Variants in LATS2 observed in about 807,000 individuals in gnomAD.
The protein encoded by LATS2 is serine/threonine-protein kinase LATS2.
In LATS2, 24 loss-of-function variants were observed where a neutral mutation model predicts 76.0. The ratio of observed to expected loss-of-function variants is 0.32; its 90% CI spans 0.23 to 0.44. The LOEUF (loss-of-function observed/expected upper bound fraction) is 0.44. LATS2 is among the 20% of genes least tolerant of loss of function. The pLI, the probability that LATS2 is intolerant of heterozygous loss-of-function variation, is 1.00. For synonymous variants in LATS2, 692 were observed against 635.4 expected (o/e 1.09, Z -1.34); for missense variants, 1,286 against 1,481.2 (o/e 0.87, Z 2.16).
At chr13:21,018,653 G>C (rs1431946591) in intron 2 of LATS2, among the ~76,000 whole-genome samples, 1 of 151,870 alleles carries the variant, frequency 6.6e-6, no homozygotes, top group East Asian at 1.9e-4. Context: ...TCTTTTCTCA[G>C]AGTCCCTCTT....
At chr13:21,003,467 G>C (rs973163637) in intron 2 of LATS2, among the ~76,000 whole-genome samples, 1 of 149,254 alleles carries the variant, frequency 6.7e-6, no homozygotes, top group African/African-American at 2.5e-5. Context: ...TAAAGACAGA[G>C]TCTTGCTCTG....
intron 1 of LATS2, among the ~76,000 whole-genome samples, chr13:21,047,443 G>C (rs1057016470): frequency 1.3e-5 from 2 of 152,200 alleles, no homozygotes; most frequent in African/African-American, 4.8e-5. Flanking sequence ...CCGCTGGTGG[G>C]AAAGGCAGGG....
chr13:21,025,215 ACT>A (rs1280386334), intron 2 of LATS2, among the ~76,000 whole-genome samples: 1 of 64,874 alleles, frequency 1.5e-5, no homozygotes, highest in Non-Finnish European at 3.5e-5. Flanking sequence ...CCCCGTCTCT[ACT>A]AAAAAAAAAA....
At chr13:20,989,788 C>T (rs1870428986) in intron 3 of LATS2, among the ~76,000 whole-genome samples, 1 of 152,226 alleles carries the variant, frequency 6.6e-6, no homozygotes, top group Non-Finnish European at 1.5e-5. Context: ...ACTTCTCTTT[C>T]ACCTCTTTTC....
chr13:20,995,448 G>A lies in LATS2; in HGVS notation c.343-4044C>T, dbSNP rs115590481. On this transcript the variant is annotated intron_variant, in intron 2 of 7. Transcript: ENST00000382592. ...TGAGCAGCCCTGCCCCAAAGCAAGA[G>A]TTCAGCTGCAAGCCAACTGAAGGCG... Among the ~76,000 whole-genome samples, 182 of 152,360 alleles carry A rather than the reference G, an allele frequency of 1.2e-3. 2 individuals carry two copies. The highest frequency in any genetic ancestry group is 3.8e-3 in the African/African-American group (156 of 41,598).
At chr13:21,033,870 C>A (rs770800340) in intron 2 of LATS2, among the ~76,000 whole-genome samples, 1 of 151,800 alleles carries the variant, frequency 6.6e-6, no homozygotes, top group Non-Finnish European at 1.5e-5. Context: ...ATTAATAATT[C>A]TTCTAATGTC....
chr13:21,053,573 A>G (rs1005544457), intron 1 of LATS2, among the ~76,000 whole-genome samples: 4 of 152,212 alleles, frequency 2.6e-5, no homozygotes, highest in Non-Finnish European at 4.4e-5. Flanking sequence ...CACTGAGGAC[A>G]AAGCCTGCCA....
At position 20,991,179 on chromosome 13, in the gene LATS2, C is replaced by T. The variant is rs1348181761; in HGVS notation, c.475+93G>A. On this transcript the variant is annotated intron_variant, in intron 3 of 7. Coordinates refer to ENST00000382592, the MANE Select transcript of LATS2 (RefSeq NM_014572.3). This position sits in a 1 kb window ranked among gnomAD's most constrained non-coding sequence, Gnocchi z 4.9. The stretch of plus-strand genomic sequence containing the variant: ...AATGTGCCAGGAGACTGGCTCTGGC[C>T]AGGCCAGGCCAGGTTGGACCCCTCT... 2.0e-6 allele frequency: 3 copies of T among 1,480,534 alleles called. No individual in the cohort carries two copies. The highest frequency in any genetic ancestry group is 2.8e-6 in the Non-Finnish European group (3 of 1,077,156). The allele number at this position is 1,480,534 out of a possible 1,614,324, so 91.7% of individuals were successfully genotyped here. A position where few individuals can be genotyped will look rare whatever the true frequency, so the allele number is the denominator to read the frequency against.
chr13:20,987,816 G>C, intron 4 of LATS2, 65 bp downstream of exon 4: 1 of 1,544,880 alleles, frequency 6.5e-7, no homozygotes, highest in Non-Finnish European at 8.8e-7. Flanking sequence ...GGGATTGTGC[G>C]TGCTTCCTAT....
chr13:21,040,255 T>C (rs977248588), intron 2 of LATS2, among the ~76,000 whole-genome samples: 6 of 151,604 alleles, frequency 4.0e-5, no homozygotes, highest in Non-Finnish European at 7.4e-5. Context: ...GACATGGTGA[T>C]GTGCGCCTGT....
intron 2 of LATS2, among the ~76,000 whole-genome samples, chr13:21,034,694 T>TTAG (rs1356842998): frequency 3.9e-5 from 6 of 152,044 alleles, no homozygotes; most frequent in Admixed American, 6.6e-5. Flanking sequence ...GTAGCTTGAT[T>TTAG]TAGTGCTTGT....
At chr13:21,011,398 C>A (rs1215989277) in intron 2 of LATS2, among the ~76,000 whole-genome samples, 11 of 152,204 alleles carry the variant, frequency 7.2e-5, no homozygotes, top group Admixed American at 5.2e-4. Flanking sequence ...ACATATATTT[C>A]TCATGCTAGG....
chr13:21,016,642 C>A (rs1209248557), intron 2 of LATS2, among the ~76,000 whole-genome samples: 1 of 152,178 alleles, frequency 6.6e-6, no homozygotes, highest in African/African-American at 2.4e-5. Flanking sequence ...ATTTCTTACA[C>A]TTCACCCCAG....
chr13:21,059,844 A>T (rs1873569418), intron 1 of LATS2, among the ~76,000 whole-genome samples: 2 of 150,930 alleles, frequency 1.3e-5, no homozygotes, highest in Non-Finnish European at 2.9e-5. Flanking sequence ...GCGGGCCTGT[A>T]ATCCCAGCTA....
intron 1 of LATS2, among the ~76,000 whole-genome samples, chr13:21,057,011 A>G (rs114882483): frequency 0.012 from 1,876 of 152,280 alleles, 31 homozygotes; most frequent in African/African-American, 0.043. Context: ...GAGAAAAATG[A>G]GTGAGACTCC....
chr13:21,007,571 A>G lies in LATS2; in HGVS notation c.343-16167T>C, dbSNP rs570062406. ...TATATATATATATATATATATATAT[A>G]TATATATATATATATAGTATATATA... On this transcript the variant is annotated intron_variant, in intron 2 of 7. Transcript: ENST00000382592. Among the ~76,000 whole-genome samples, 15 of 18,498 alleles carry G rather than the reference A, an allele frequency of 8.1e-4. 5 individuals are homozygous for G. Among genetic ancestry groups the G allele is most frequent in the African/African-American group, 5.2e-3 (8 of 1,550 alleles). The allele number at this position is 18,498 out of a possible 152,430, so 12.1% of individuals were successfully genotyped here. A position where few individuals can be genotyped will look rare whatever the true frequency, so the allele number is the denominator to read the frequency against.
At chr13:21,057,576 G>A (rs1048642260) in intron 1 of LATS2, among the ~76,000 whole-genome samples, 1 of 152,048 alleles carries the variant, frequency 6.6e-6, no homozygotes, top group East Asian at 1.9e-4. Context: ...GGTGGATCAC[G>A]AGGTCAGGAG....
intron 2 of LATS2, among the ~76,000 whole-genome samples, chr13:21,041,004 GCT>G (rs532716131): frequency 1.0e-3 from 156 of 150,884 alleles, no homozygotes; most frequent in African/African-American, 3.7e-3. Context: ...GCAGAGTCTC[GCT>G]CTGTCGCCCA....
intron 2 of LATS2, among the ~76,000 whole-genome samples, chr13:20,995,343 C>T (rs1222025698): frequency 6.6e-6 from 1 of 152,176 alleles, no homozygotes; most frequent in East Asian, 1.9e-4. Flanking sequence ...CCTCAATAGA[C>T]ACCTCCAGTC....
Sources: allele counts gnomAD v4.1 joint callset (sites outside exome capture counted in the v4.1 genomes callset), GRCh38; gene constraint gnomAD v4.1.1; non-coding constraint Gnocchi (gnomAD v3.1); transcripts MANE v1.5; gene names NCBI Gene and HGNC (gene_info 2026-07-23, HGNC 2026-07-21).